Variants in KCNMA1 observed in about 807,000 individuals in gnomAD.
KCNMA1 encodes the protein Calcium-activated potassium channel subunit alpha-1.
A neutral mutation model predicts 140.0 loss-of-function variants in KCNMA1; 29 were observed. The ratio of observed to expected loss-of-function variants is 0.21; its 90% CI spans 0.15 to 0.28. KCNMA1 has a LOEUF of 0.28. Among genes scored for constraint, KCNMA1 ranks in the 10% least tolerant of loss-of-function variants. The pLI is 1.00. For missense variants in KCNMA1, 880 were observed against 1,602.2 expected (o/e 0.55, Z 7.70); for synonymous variants, 612 against 611.9 (o/e 1.00, Z 0.00).
intron 23 of KCNMA1, among the ~76,000 whole-genome samples, chr10:76,917,179 A>G (rs1255469182): frequency 7.2e-5 from 11 of 152,252 alleles, no homozygotes; most frequent in Non-Finnish European, 1.5e-4. Flanking sequence ...TGGAAGTGAC[A>G]GCTGTGCAGA....
intron 6 of KCNMA1, among the ~76,000 whole-genome samples, chr10:77,113,119 G>A (rs1461591306): frequency 6.6e-6 from 1 of 152,062 alleles, no homozygotes; most frequent in Non-Finnish European, 1.5e-5. Context: ...GCATTTGGCT[G>A]TTAGGTGGCT....
chr10:77,490,471 T>C lies in KCNMA1; in HGVS notation c.379-86448A>G, dbSNP rs139087448. On this transcript the variant is annotated intron_variant, in intron 1 of 27. Coordinates refer to ENST00000286628, the MANE Select transcript of KCNMA1 (RefSeq NM_001161352.2). ...AAAAATAAAATTATCATCACCCTGA[T>C]TGAAGGGAATGATTTACTGGAACTT... Among the ~76,000 whole-genome samples, 64 of 152,308 alleles carry C rather than the reference T, an allele frequency of 4.2e-4. 1 individual carries two copies. The East Asian group carries it at 8.1e-3, about 19-fold the overall frequency.
chr10:77,029,081 G>C (rs1907713), intron 15 of KCNMA1, among the ~76,000 whole-genome samples: 81,964 of 151,950 alleles, frequency 0.54, 24,850 homozygotes, highest in Middle Eastern at 0.72. Flanking sequence ...CATGTAAATA[G>C]AACAAATATA....
intron 1 of KCNMA1, among the ~76,000 whole-genome samples, chr10:77,458,743 A>C (rs1027100549): frequency 1.3e-5 from 2 of 152,176 alleles, no homozygotes; most frequent in Non-Finnish European, 2.9e-5. Flanking sequence ...CCAAGGCTCA[A>C]TGCCACTGGA....
chr10:77,031,466 C>T (rs952609318), intron 15 of KCNMA1, among the ~76,000 whole-genome samples: 1 of 152,196 alleles, frequency 6.6e-6, no homozygotes, highest in African/African-American at 2.4e-5. Flanking sequence ...TGCCTGAACC[C>T]TATAGGTATC....
intron 1 of KCNMA1, among the ~76,000 whole-genome samples, chr10:77,568,780 A>G (rs1185587699): frequency 6.6e-6 from 1 of 151,384 alleles, no homozygotes; most frequent in Non-Finnish European, 1.5e-5. Context: ...AATTAGAAAA[A>G]GAGGAAGTCA....
intron 3 of KCNMA1, among the ~76,000 whole-genome samples, chr10:77,246,338 G>A (rs535802982): frequency 8.7e-4 from 133 of 152,282 alleles, no homozygotes; most frequent in African/African-American, 3.1e-3. Context: ...AGTTGTTAGG[G>A]GAATTCAATG....
intron 1 of KCNMA1, among the ~76,000 whole-genome samples, chr10:77,606,926 C>A (rs2084776732): frequency 6.6e-6 from 1 of 152,142 alleles, no homozygotes; most frequent in African/African-American, 2.4e-5. Context: ...TGCAGCCAGC[C>A]CTTGGTAGTG....
At chr10:77,486,109 T>C (rs1449160733) in intron 1 of KCNMA1, among the ~76,000 whole-genome samples, 1 of 152,150 alleles carries the variant, frequency 6.6e-6, no homozygotes, top group Non-Finnish European at 1.5e-5. Flanking sequence ...CCAAGTCAAA[T>C]GTCAATACCA....
At chr10:76,925,540 A>AT (rs888837371) in intron 23 of KCNMA1, among the ~76,000 whole-genome samples, 1 of 152,076 alleles carries the variant, frequency 6.6e-6, no homozygotes, top group African/African-American at 2.4e-5. Flanking sequence ...CATTACATCA[A>AT]TTTTTTTCTC....
At chr10:77,434,903 A>G (rs772613946) in intron 1 of KCNMA1, among the ~76,000 whole-genome samples, 1 of 152,208 alleles carries the variant, frequency 6.6e-6, no homozygotes, top group African/African-American at 2.4e-5. Flanking sequence ...CATGACTCCT[A>G]TGCTATTCAC....
intron 7 of KCNMA1, 62 bp from the exon 8 acceptor site, chr10:77,110,405 TA>T: frequency 6.9e-7 from 1 of 1,439,952 alleles, no homozygotes; most frequent in Non-Finnish European, 9.8e-7. Context: ...ATACATGCAA[TA>T]AACGCGGAAG....
intron 19 of KCNMA1, among the ~76,000 whole-genome samples, chr10:76,999,993 C>T (rs558847756): frequency 3.9e-5 from 6 of 152,276 alleles, no homozygotes; most frequent in East Asian, 3.9e-4. Context: ...TCATGGATCC[C>T]GGCTACACAG....
At chr10:77,493,641 G>T (rs1002828060) in intron 1 of KCNMA1, among the ~76,000 whole-genome samples, 1 of 152,246 alleles carries the variant, frequency 6.6e-6, no homozygotes, top group Non-Finnish European at 1.5e-5. Context: ...ATCAATCAAC[G>T]GAGGTGCACT....
chr10:77,627,735 A>G (rs775147286), intron 1 of KCNMA1, among the ~76,000 whole-genome samples: 2 of 152,214 alleles, frequency 1.3e-5, no homozygotes, highest in Non-Finnish European at 2.9e-5. Context: ...CTAGAAGCAA[A>G]CAAGGACTAG....
At chr10:77,356,870 A>G (rs1050895012) in intron 2 of KCNMA1, among the ~76,000 whole-genome samples, 2 of 152,204 alleles carry the variant, frequency 1.3e-5, no homozygotes. Context: ...TGATTGGTTC[A>G]GAAGCAACAT....
intron 25 of KCNMA1, among the ~76,000 whole-genome samples, chr10:76,893,540 GA>G (rs1236737509): frequency 6.6e-6 from 1 of 152,042 alleles, no homozygotes; most frequent in Non-Finnish European, 1.5e-5. Context: ...CAGGAGTTGG[GA>G]CCAGGCTGGC....
At chr10:77,065,381 GAGA>G (rs1174319764) in intron 14 of KCNMA1, among the ~76,000 whole-genome samples, 6 of 152,188 alleles carry the variant, frequency 3.9e-5, no homozygotes, top group Non-Finnish European at 7.3e-5. Context: ...CAATGAAGCT[GAGA>G]AGAACAGCTG....
In KCNMA1 at chr10:76,924,268, G is replaced by A. The variant is rs185070218; in HGVS notation, c.2903-9219C>T. ...AAAATAATGCAGAAAAACATTTCAC[G>A]ACAGAAAAATGGTCATGATAAAATG... On this transcript the variant is annotated intron_variant, in intron 23 of 27. Transcript: ENST00000286628. Among the ~76,000 whole-genome samples, 746 of 152,164 alleles carry A rather than the reference G, an allele frequency of 4.9e-3. 6 individuals carry two copies. The highest frequency in any genetic ancestry group is 8.6e-3 in the Admixed American group (131 of 15,270).
Sources: allele counts gnomAD v4.1 joint callset (sites outside exome capture counted in the v4.1 genomes callset), GRCh38; gene constraint gnomAD v4.1.1; transcripts MANE v1.5; gene names NCBI Gene and HGNC (gene_info 2026-07-23, HGNC 2026-07-21).